Variants in RGN observed in about 807,000 individuals in gnomAD.
The protein encoded by RGN is epididymis secretory protein Li 41.
A neutral mutation model predicts 20.6 loss-of-function variants in RGN; 19 were observed. That is an observed-to-expected ratio of 0.92 (90% CI 0.64 to 1.35). RGN has a LOEUF of 1.35. RGN is among the 40% of genes most tolerant of loss of function. The pLI is 0.00. For synonymous variants in RGN, 85 were observed against 87.2 expected, an observed-to-expected ratio of 0.97 and a Z score of 0.14; for missense variants, 302 against 232.7, an observed-to-expected ratio of 1.30 and a Z score of -1.94.
At position 47,084,557 on chromosome X, in the gene RGN, C is replaced by T. The variant is rs1556383332; in HGVS notation, c.303C>T (p.Arg101=). ...ATVDNDKKNN[R]FNDGKVDPAG... ...TGGATAACGACAAGAAAAACAATCG[C>T]TTCAATGATGGGAAGGTGGATCCCG... Residue 101 remains arginine (R), a synonymous_variant, in exon 4 of 8, where the codon CGC becomes CGT. Coordinates refer to ENST00000397180, the MANE Select transcript of RGN (RefSeq NM_152869.4). 1.7e-6 allele frequency: 2 copies of T among 1,200,008 alleles called. No homozygotes were observed. The highest frequency in any genetic ancestry group is 3.6e-5 in the South Asian group (2 of 55,002).
At chrX:47,084,873 T>TGA (rs1930516728) in intron 4 of RGN, 1 of 276,984 alleles carries the variant, frequency 3.6e-6, no homozygotes, top group Non-Finnish European at 6.3e-6. Flanking sequence ...AAGGATCATC[T>TGA]GAGCCCAGGA....
rs1931082891 is a variant in RGN at position 47,093,064 on chromosome X, GT to G, written c.*121del. The G allele has an allele frequency of 3.5e-6, 2 of 569,983 alleles. No individual in the cohort carries two copies. The highest frequency in any genetic ancestry group is 5.6e-6 in the Non-Finnish European group (2 of 357,030). The allele number at this position is 569,983 out of a possible 1,213,427, so 47.0% of individuals were successfully genotyped here. ...GCAATGATTTTATTAACAGCGTTAA[GT>G]TTTAATTTACAACTTTTAAAAGGCA... On this transcript the variant is annotated 3_prime_UTR_variant, in exon 8 of 8. Coordinates refer to ENST00000397180, the MANE Select transcript of RGN (RefSeq NM_152869.4).
Position 47,084,955 on chromosome X carries a change from G to A in RGN, c.346+355G>A, listed in dbSNP as rs1244614031. On this transcript the variant is annotated intron_variant, in intron 4 of 7. Coordinates refer to ENST00000397180, the MANE Select transcript of RGN (RefSeq NM_152869.4). ...GGGTGACAGAGTGAGACCCGGTCTC[G>A]AAAAAAGAAAGAAAGAAAGTAAGTA... is the stretch of plus-strand genomic sequence containing the variant. The A allele has an allele frequency of 5.8e-5, 9 of 155,861 alleles. No individual in the cohort carries two copies. In the East Asian group the frequency reaches 8.7e-4, roughly 15 times the overall value. The allele number at this position is 155,861 out of a possible 1,213,427, so 12.8% of individuals were successfully genotyped here.
At chrX:47,089,014 G>A (rs1442865206) in intron 4 of RGN, among the ~76,000 whole-genome samples, 1 of 98,048 alleles carries the variant, frequency 1.0e-5, no homozygotes, top group Non-Finnish European at 2.1e-5. Context: ...GCTTGGCATG[G>A]CAGCTCATGC....
chrX:47,084,725 G>A (rs782621429), intron 4 of RGN, 125 bp downstream of exon 4: 14 of 560,176 alleles, frequency 2.5e-5, no homozygotes, highest in Middle Eastern at 3.6e-4. Flanking sequence ...GAGCCAAGGC[G>A]AGTAGGTCGC....
rs191652870 is a variant in RGN at position 47,083,227 on chromosome X, G to A, written c.164-1191G>A. ...CCAGCCTGACCATCATGGTGAAACC[G>A]TGTCTCTACTAAAAATACAAAAATT... On this transcript the variant is annotated intron_variant, in intron 3 of 7. Coordinates refer to ENST00000397180, the MANE Select transcript of RGN (RefSeq NM_152869.4). Among the ~76,000 whole-genome samples the A allele has an allele frequency of 1.1e-4, 12 of 109,319 alleles. No homozygotes were observed. In the South Asian group the frequency reaches 2.0e-3, roughly 18 times the overall value. The allele number at this position is 109,319 out of a possible 115,157, so 94.9% of individuals were successfully genotyped here.
At chrX:47,088,452 C>T (rs950107118) in intron 4 of RGN, among the ~76,000 whole-genome samples, 3 of 110,544 alleles carry the variant, frequency 2.7e-5, no homozygotes, top group Non-Finnish European at 3.8e-5. Flanking sequence ...GAGGGAGGAT[C>T]GACCCTGTCT....
intron 4 of RGN, 145 bp from the exon 5 acceptor site, chrX:47,089,631 A>G: frequency 4.2e-6 from 1 of 240,891 alleles, no homozygotes; most frequent in Non-Finnish European, 7.1e-6. Context: ...ACACACACAC[A>G]CATATATATA....
intron 7 of RGN, 118 bp downstream of exon 7, chrX:47,092,333 A>C: frequency 1.6e-6 from 1 of 636,522 alleles, no homozygotes. Context: ...TTAGCATGTT[A>C]AGCTCATCAT....
chrX:47,086,777 GAGA>G (rs1930616408), intron 4 of RGN, among the ~76,000 whole-genome samples: 8 of 102,373 alleles, frequency 7.8e-5, no homozygotes, highest in African/African-American at 2.7e-4. Context: ...GAGAGAGAGA[GAGA>G]GAGAAAGAGA....
Position 47,080,806 on chromosome X carries a change from A to C in RGN, c.-146A>C. ...CCTGACCCGCCCTGGGGCCCAGGGT[A>C]TTGACATAAAGGACGGCCTTGCACT... On this transcript the variant is annotated 5_prime_UTR_variant, in exon 2 of 8. Coordinates refer to ENST00000397180, the MANE Select transcript of RGN (RefSeq NM_152869.4). The C allele has an allele frequency of 1.9e-5, 3 of 154,977 alleles. No individual in the cohort carries two copies. Among genetic ancestry groups the C allele is most frequent in the Non-Finnish European group, 3.7e-5 (3 of 81,233 alleles). The allele number at this position is 154,977 out of a possible 1,213,427, so 12.8% of individuals were successfully genotyped here.
chrX:47,090,935 A>AAAAG, intron 5 of RGN, among the ~76,000 whole-genome samples: 1 of 30,115 alleles, frequency 3.3e-5, no homozygotes, highest in East Asian at 2.0e-3. Flanking sequence ...AAAGAAAGAA[A>AAAAG]GAAAGAAAGA....
intron 4 of RGN, among the ~76,000 whole-genome samples, chrX:47,086,994 A>G (rs1037002516): frequency 9.0e-6 from 1 of 111,037 alleles, no homozygotes; most frequent in Non-Finnish European, 1.9e-5. Flanking sequence ...CTCTAAGTCC[A>G]CACAAATATC....
At position 47,091,694 on chromosome X, in the gene RGN, T is replaced by A; in HGVS notation, c.579T>A (p.Val193=). Residue 193 remains valine, a synonymous_variant, in exon 6 of 8, where the codon GTT becomes GTA. Transcript: ENST00000397180. Reference sequence around the variant, plus strand: ...TAACCATAGCCAACCGCAGAAGTGTTTACAAGCTAGAAAAGGAAGAACAAA... The same window carrying A: ...TAACCATAGCCAACCGCAGAAGTGTATACAAGCTAGAAAAGGAAGAACAAA... The part of the protein sequence containing the change: ...QTGQISNRRS[V]YKLEKEEQIP... 8.3e-7 allele frequency: 1 copy of A among 1,209,506 alleles called. No individual in the cohort carries two copies. Among genetic ancestry groups the A allele is most frequent in the Non-Finnish European group, 1.1e-6 (1 of 894,834 alleles).
intron 5 of RGN, among the ~76,000 whole-genome samples, chrX:47,091,391 G>T (rs782710994): frequency 7.1e-5 from 8 of 111,903 alleles, no homozygotes; most frequent in African/African-American, 2.6e-4. Flanking sequence ...CAGGGCCCCA[G>T]TTCAGGTCAG....
In RGN at chrX:47,081,246, T is replaced by G; in HGVS notation, c.102T>G (p.Ile34Met). 8.3e-7 allele frequency: 1 copy of G among 1,209,752 alleles called. No individual in the cohort carries two copies. The highest frequency in any genetic ancestry group is 1.8e-5 in the South Asian group (1 of 56,913). ...CCAACTCTCTGCTCTTTGTAGACATTCCTGCAAAAAAGGTTTGCCGGTGGG... is the reference window on the plus strand; with the variant it reads ...CCAACTCTCTGCTCTTTGTAGACATGCCTGCAAAAAAGGTTTGCCGGTGGG... ...EVSNSLLFVDIPAKKVCRWDS... is the reference protein window; with the variant it reads ...EVSNSLLFVDMPAKKVCRWDS... The change falls in exon 3 of 8, where the codon ATT (isoleucine) becomes ATG (methionine). Residue 34 changes from isoleucine to methionine, a missense_variant. Ile to Met is a conservative substitution (Grantham distance 10). Coordinates refer to ENST00000397180, the MANE Select transcript of RGN (RefSeq NM_152869.4).
At position 47,093,089 on chromosome X, in the gene RGN, C is replaced by A; in HGVS notation, c.*142C>A. The A allele has an allele frequency of 2.0e-6, 1 of 492,742 alleles. No homozygotes were observed. The highest frequency in any genetic ancestry group is 3.4e-6 in the Non-Finnish European group (1 of 294,374). The allele number at this position is 492,742 out of a possible 1,213,427, so 40.6% of individuals were successfully genotyped here. ...GTTTTAATTTACAACTTTTAAAAGGCAGAGCATTTTTAACAAGGGGTGACA... is the reference window on the plus strand; with the variant it reads ...GTTTTAATTTACAACTTTTAAAAGGAAGAGCATTTTTAACAAGGGGTGACA... On this transcript the variant is annotated 3_prime_UTR_variant, in exon 8 of 8. Transcript: ENST00000397180.
chrX:47,088,490 A>C (rs1930704727), intron 4 of RGN, among the ~76,000 whole-genome samples: 1 of 110,279 alleles, frequency 9.1e-6, no homozygotes, highest in Non-Finnish European at 1.9e-5. Flanking sequence ...TCCCATCTAC[A>C]TTGTCTCTGG....
At chrX:47,083,397 T>C (rs1425471305) in intron 3 of RGN, among the ~76,000 whole-genome samples, 9 of 100,303 alleles carry the variant, frequency 9.0e-5, no homozygotes, top group African/African-American at 3.4e-4. Flanking sequence ...AGACTCCATC[T>C]CAAAAAAAAA....
Sources: gnomAD v4.1 joint callset for allele counts (sites outside exome capture counted in the v4.1 genomes callset) on GRCh38, gnomAD v4.1.1 for gene constraint, MANE v1.5 for transcripts, NCBI Gene and HGNC (gene_info 2026-07-23, HGNC 2026-07-21) for gene names.